EPB41L3: variants seen among roughly 807,000 people sequenced by gnomAD.
EPB41L3 encodes the protein erythrocyte membrane protein band 4.1 like 3.
Under a neutral mutation model 127.1 loss-of-function variants are expected in EPB41L3, and 57 were observed. The observed-to-expected ratio is 0.45, with a 90% CI of 0.36 to 0.56. The LOEUF is 0.56. Ranked by LOEUF, EPB41L3 falls within the 20% of genes least tolerant of loss-of-function variation. The pLI, the probability that EPB41L3 is intolerant of heterozygous loss-of-function variation, is 0.00. For synonymous variants in EPB41L3, 572 were observed against 549.5 expected, an observed-to-expected ratio of 1.04 and a Z score of -0.57; for missense variants, 1,273 against 1,372.2, an observed-to-expected ratio of 0.93 and a Z score of 1.14.
At chr18:5,625,956 T>C (rs79072554) in intron 1 of EPB41L3, among the ~76,000 whole-genome samples, 1 of 151,200 alleles carries the variant, frequency 6.6e-6, no homozygotes, top group Non-Finnish European at 1.5e-5. Context: ...TTTTTTTTTT[T>C]GTCCATTCAT....
At chr18:5,529,407 T>G (rs1893195) in intron 1 of EPB41L3, among the ~76,000 whole-genome samples, 41,299 of 151,846 alleles carry the variant, frequency 0.27, 6,415 homozygotes, top group African/African-American at 0.43. Context: ...AGGTCCCCCC[T>G]CTGTGCGCAC....
intron 8 of EPB41L3, among the ~76,000 whole-genome samples, chr18:5,433,078 G>A (rs545496202): frequency 1.3e-5 from 2 of 152,304 alleles, no homozygotes; most frequent in South Asian, 4.1e-4. Context: ...GGAAAGCGTA[G>A]AAACAGAGTC....
chr18:5,419,838 G>C lies in EPB41L3; in HGVS notation c.1379C>G (p.Ser460Cys). ...CACAGTGGTGATCAAGTTGGTCTGA[G>C]AGATGCCTTTTGTTGTGGCGTACTG... ...TGQYATTKGI[S>C]QTNLITTVTP... is the part of the protein sequence containing the mutation. Residue 460 changes from serine to cysteine, a missense_variant, in exon 12 of 23, where the codon TCT (serine) becomes TGT (cysteine). Physicochemically the swap from Ser to Cys is moderately radical, Grantham distance 112. This residue lies in a region of EPB41L3 where 326 missense variants were observed against 440.2 expected (regional missense o/e 0.74). Transcript: ENST00000341928. 6.2e-7 allele frequency: 1 copy of C among 1,614,228 alleles called. No individual in the cohort carries two copies. Among genetic ancestry groups the C allele is most frequent in the South Asian group, 1.1e-5 (1 of 91,084 alleles).
intron 2 of EPB41L3, among the ~76,000 whole-genome samples, chr18:5,478,745 G>A (rs1429649049): frequency 1.3e-5 from 2 of 152,096 alleles, no homozygotes; most frequent in African/African-American, 4.8e-5. Flanking sequence ...TTTTAAAAAG[G>A]ATTGGATAGT....
intron 1 of EPB41L3, among the ~76,000 whole-genome samples, chr18:5,514,808 C>T (rs1039391322): frequency 2.0e-5 from 3 of 152,126 alleles, no homozygotes; most frequent in Admixed American, 1.3e-4. Flanking sequence ...TTTCCTTGGC[C>T]CTAGAATCCA....
At chr18:5,411,523 G>T (rs2076191816) in intron 13 of EPB41L3, among the ~76,000 whole-genome samples, 1 of 152,064 alleles carries the variant, frequency 6.6e-6, no homozygotes, top group South Asian at 2.1e-4. Context: ...TTTCACAGGG[G>T]TTTATGGCTT....
chr18:5,549,494 A>G (rs1448096506), intron 3 of EPB41L3, among the ~76,000 whole-genome samples: 1 of 152,250 alleles, frequency 6.6e-6, no homozygotes, highest in African/African-American at 2.4e-5. Context: ...TGTAAATGAT[A>G]CAAATCTGAG....
intron 3 of EPB41L3, among the ~76,000 whole-genome samples, chr18:5,551,181 T>C (rs1386378596): frequency 6.6e-6 from 1 of 152,220 alleles, no homozygotes; most frequent in Non-Finnish European, 1.5e-5. Context: ...ATTATCCCAC[T>C]GTTTAACAGA....
At chr18:5,396,973 G>C (rs2073627649) in intron 18 of EPB41L3, 85 bp downstream of exon 18, 1 of 1,405,262 alleles carries the variant, frequency 7.1e-7, no homozygotes, top group South Asian at 1.4e-5. Flanking sequence ...ATTAAACTTA[G>C]CTCCACCTTT....
chr18:5,560,550 C>T (rs957051613), intron 3 of EPB41L3, among the ~76,000 whole-genome samples: 1 of 152,186 alleles, frequency 6.6e-6, no homozygotes, highest in East Asian at 1.9e-4. Flanking sequence ...ACAAGTTCTT[C>T]TAGATAGGGG....
chr18:5,615,927 T>C (rs1328432968), intron 1 of EPB41L3, among the ~76,000 whole-genome samples: 2 of 152,146 alleles, frequency 1.3e-5, no homozygotes, highest in African/African-American at 4.8e-5. Flanking sequence ...GTCCTAGTTC[T>C]GTGCCCTCAG....
At chr18:5,591,913 C>T (rs886411324) in intron 3 of EPB41L3, among the ~76,000 whole-genome samples, 2 of 152,066 alleles carry the variant, frequency 1.3e-5, no homozygotes, top group African/African-American at 4.8e-5. Context: ...AATTGCCAAG[C>T]AACTGCTGGG....
chr18:5,419,931 G>A, intron 11 of EPB41L3, 54 bp from the exon 12 acceptor site: 1 of 1,613,416 alleles, frequency 6.2e-7, no homozygotes, highest in Non-Finnish European at 8.5e-7. Context: ...ATTCACTGAT[G>A]CTAAAAGCAA....
intron 12 of EPB41L3, among the ~76,000 whole-genome samples, chr18:5,417,738 G>C (rs1040747623): frequency 3.3e-5 from 5 of 152,194 alleles, no homozygotes; most frequent in Non-Finnish European, 5.9e-5. Flanking sequence ...GGCCTTTGAA[G>C]GGTCTCTTTT....
intron 1 of EPB41L3, among the ~76,000 whole-genome samples, chr18:5,489,581 T>A (rs1038024556): frequency 6.6e-6 from 1 of 152,230 alleles, no homozygotes; most frequent in Non-Finnish European, 1.5e-5. Context: ...GATGATTTAA[T>A]AACGGAAGCA....
At chr18:5,430,185 CTCT>C (rs2078795546) in intron 8 of EPB41L3, among the ~76,000 whole-genome samples, 1 of 152,202 alleles carries the variant, frequency 6.6e-6, no homozygotes, top group South Asian at 2.1e-4. Context: ...CCGATGCCTC[CTCT>C]TCTTGTCCCC....
intron 1 of EPB41L3, among the ~76,000 whole-genome samples, chr18:5,531,028 A>G (rs571953330): frequency 6.6e-6 from 1 of 152,292 alleles, no homozygotes; most frequent in South Asian, 2.1e-4. Context: ...CCTTCCCCTG[A>G]ATGCTTTCCA....
intron 3 of EPB41L3, among the ~76,000 whole-genome samples, chr18:5,446,649 C>T (rs1265408058): frequency 2.0e-5 from 3 of 152,150 alleles, no homozygotes; most frequent in Non-Finnish European, 4.4e-5. Context: ...TGTAATTATG[C>T]TGAAAGCAAT....
chr18:5,540,110 A>T (rs1246929889), intron 1 of EPB41L3, among the ~76,000 whole-genome samples: 1 of 152,206 alleles, frequency 6.6e-6, no homozygotes, highest in Non-Finnish European at 1.5e-5. Context: ...AACAGTAAGA[A>T]ATATGTTGCC....
Sources: allele counts gnomAD v4.1 joint callset (sites outside exome capture counted in the v4.1 genomes callset), GRCh38; gene constraint gnomAD v4.1.1; regional missense constraint gnomAD v4.1.1; transcripts MANE v1.5; gene names NCBI Gene and HGNC (gene_info 2026-07-23, HGNC 2026-07-21).